PRR15: variants seen among roughly 807,000 people sequenced by gnomAD.
PRR15 encodes the protein proline-rich protein 15.
Under a neutral mutation model 3.0 loss-of-function variants are expected in PRR15, and 4 were observed. The ratio of observed to expected loss-of-function variants is 1.34; its 90% CI spans 0.66 to 3.08. The LOEUF (loss-of-function observed/expected upper bound fraction) is 3.08. Among genes scored for constraint, PRR15 ranks in the 30% most tolerant of loss-of-function variants. The probability of loss-of-function intolerance (pLI) is 0.01; values close to 1 mark genes in which losing one functional copy is unlikely to be tolerated. For synonymous variants in PRR15, 82 were observed against 79.8 expected (o/e 1.03, Z -0.14); for missense variants, 200 against 179.5 (o/e 1.11, Z -0.65).
chr7:29,566,386 C>G lies in PRR15; in HGVS notation c.57C>G (p.Asn19Lys). Residue 19 changes from asparagine (N) to lysine (K), a missense_variant, in exon 2 of 2, where the codon AAC (asparagine) becomes AAG (lysine). Coordinates refer to ENST00000319694, the MANE Select transcript of PRR15 (RefSeq NM_175887.3). ...GCCCCTGGTGGAAATCGCTCACCAA[C>G]AGCAGAAAGAAAAGCAAGGAAGCCG... is the stretch of plus-strand genomic sequence containing the variant. ...SSGPWWKSLT[N>K]SRKKSKEAAV... 1 of 1,611,114 alleles carries G rather than the reference C, an allele frequency of 6.2e-7. No homozygotes were observed. Among genetic ancestry groups the G allele is most frequent in the Non-Finnish European group, 8.5e-7 (1 of 1,179,634 alleles).
rs1583502419 is a variant in PRR15, at chr7:29,566,801, C to A, written c.*82C>A. The A allele has an allele frequency of 1.5e-6, 2 of 1,320,402 alleles. No homozygotes were observed. Among genetic ancestry groups the A allele is most frequent in the Non-Finnish European group, 2.0e-6 (2 of 981,468 alleles). 81.8% of individuals were successfully genotyped at this position (1,320,402 alleles called of 1,614,324 possible). On this transcript the variant is annotated 3_prime_UTR_variant, in exon 2 of 2. Coordinates refer to ENST00000319694, the MANE Select transcript of PRR15 (RefSeq NM_175887.3). ...TTCCAAACCCGAGACTTCAGGCCCG[C>A]CCCCTTACGCGTTGTCTCATTCCAC... is the stretch of plus-strand genomic sequence containing the variant.
In PRR15 at chr7:29,566,398, A is replaced by G; in HGVS notation, c.69A>G (p.Lys23=). 1 of 1,610,958 alleles carries G rather than the reference A, an allele frequency of 6.2e-7. No individual in the cohort carries two copies. The part of the protein sequence containing the change: ...WWKSLTNSRK[K]SKEAAVGVPP... ...AATCGCTCACCAACAGCAGAAAGAA[A>G]AGCAAGGAAGCCGCAGTGGGGGTGC... Residue 23 remains lysine, a synonymous_variant, in exon 2 of 2, where the codon AAA becomes AAG. Coordinates refer to ENST00000319694, the MANE Select transcript of PRR15 (RefSeq NM_175887.3).
At position 29,566,283 on chromosome 7, in the gene PRR15, C is replaced by T. The variant is rs779059456; in HGVS notation, c.-47C>T. 2.2e-5 allele frequency: 34 copies of T among 1,554,126 alleles called. No individual in the cohort carries two copies. In the Admixed American group the frequency reaches 6.2e-4, roughly 28 times the overall value. ...GGAGACCACGTGGAGAAAGGGGCCG[C>T]TTTGGCCCTTCCATCTGGGTGCCGG... On this transcript the variant is annotated 5_prime_UTR_variant, in exon 2 of 2. Coordinates refer to ENST00000319694, the MANE Select transcript of PRR15 (RefSeq NM_175887.3).
At chr7:29,564,985 C>A (rs974988443) in intron 1 of PRR15, among the ~76,000 whole-genome samples, 1 of 152,222 alleles carries the variant, frequency 6.6e-6, no homozygotes, top group Non-Finnish European at 1.5e-5. Context: ...GTTTCCCTCT[C>A]CAGCGCGATC....
rs1215491118 is a variant in PRR15 at position 29,566,262 on chromosome 7, A to G, written c.-68A>G. On this transcript the variant is annotated 5_prime_UTR_variant, in exon 2 of 2. Coordinates refer to ENST00000319694, the MANE Select transcript of PRR15 (RefSeq NM_175887.3). ...GAAGGGGTGGAGTGAACGGCCGGAG[A>G]CCACGTGGAGAAAGGGGCCGCTTTG... 1.4e-6 allele frequency: 2 copies of G among 1,478,128 alleles called. No individual in the cohort carries two copies. The highest frequency in any genetic ancestry group is 2.4e-5 in the East Asian group (1 of 41,334). 91.6% of individuals were successfully genotyped at this position (1,478,128 alleles called of 1,614,324 possible).
At position 29,564,623 on chromosome 7, in the gene PRR15, TAG is replaced by T. The variant is rs563777653; in HGVS notation, c.-146+249_-146+250del. ...TGATTGTGAAGAAGAAAATGTAGGT[TAG>T]AGGAGAGGAAGCAGCATCAGGACAC... On this transcript the variant is annotated intron_variant, in intron 1 of 1. Transcript: ENST00000319694. 4.9e-3 allele frequency among the ~76,000 whole-genome samples: 750 copies of T among 152,268 alleles called. 6 individuals carry two copies. The highest frequency in any genetic ancestry group is 9.3e-3 in the Admixed American group (142 of 15,296).
intron 1 of PRR15, 131 bp from the exon 2 acceptor site, chr7:29,566,054 T>A (rs1792893630): frequency 3.8e-6 from 2 of 533,330 alleles, no homozygotes; most frequent in South Asian, 5.3e-5. Flanking sequence ...TAATGTGGGC[T>A]ACGTAGCTAC....
At position 29,566,597 on chromosome 7, in the gene PRR15, A is replaced by C. The variant is rs1211441360; in HGVS notation, c.268A>C (p.Lys90Gln). ...DKSGSSRRNLKISRSGRFKEK... is the reference protein window; with the variant it reads ...DKSGSSRRNLQISRSGRFKEK... ...ATCCGGCAGCAGCCGCCGCAATTTG[A>C]AGATCTCGCGCTCCGGCCGCTTTAA... The change falls in exon 2 of 2, where the codon AAG becomes CAG. Residue 90 changes from lysine to glutamine, a missense_variant. By Grantham distance (53) the Lys-to-Gln change is moderately conservative. Transcript: ENST00000319694. The C allele has an allele frequency of 6.2e-7, 1 of 1,607,876 alleles. No individual in the cohort carries two copies.
intron 1 of PRR15, among the ~76,000 whole-genome samples, chr7:29,564,879 C>T (rs1013414216): frequency 6.6e-6 from 1 of 152,168 alleles, no homozygotes; most frequent in Non-Finnish European, 1.5e-5. Flanking sequence ...GGTTTCGGGG[C>T]GCAGCCGAGG....
At position 29,566,491 on chromosome 7, in the gene PRR15, C is replaced by T; in HGVS notation, c.162C>T (p.Ser54=). ...CGCCGCCCAGCCCGGACTGGACCAG[C>T]AGCTCCCGGGAGAACCAGCACCCCA... ...PPAPPSPDWT[S]SSRENQHPNL... The change falls in exon 2 of 2, where the codon AGC becomes AGT. Residue 54 remains serine, a synonymous_variant. Transcript: ENST00000319694. The T allele has an allele frequency of 6.3e-7, 1 of 1,599,410 alleles. No homozygotes were observed. The highest frequency in any genetic ancestry group is 8.5e-7 in the Non-Finnish European group (1 of 1,173,144).
chr7:29,566,790 C>A lies in PRR15; in HGVS notation c.*71C>A. On this transcript the variant is annotated 3_prime_UTR_variant, in exon 2 of 2. Transcript: ENST00000319694. ...CAAACCCCCAGTTCCAAACCCGAGA[C>A]TTCAGGCCCGCCCCCTTACGCGTTG... 2 of 1,407,590 alleles carry A rather than the reference C, an allele frequency of 1.4e-6. No individual in the cohort carries two copies. Among genetic ancestry groups the A allele is most frequent in the Non-Finnish European group, 1.9e-6 (2 of 1,056,690 alleles). 87.2% of individuals were successfully genotyped at this position (1,407,590 alleles called of 1,614,324 possible). A position where few individuals can be genotyped will look rare whatever the true frequency, so the allele number is the denominator to read the frequency against.
At chr7:29,566,123 G>A in intron 1 of PRR15, 62 bp from the exon 2 acceptor site, 2 of 626,150 alleles carry the variant, frequency 3.2e-6, no homozygotes, top group Non-Finnish European at 5.5e-6. Context: ...GGGAGGAAAG[G>A]GGACTGGGGG....
At position 29,566,835 on chromosome 7, in the gene PRR15, G is replaced by C; in HGVS notation, c.*116G>C. 9.7e-7 allele frequency: 1 copy of C among 1,029,318 alleles called. No homozygotes were observed. The highest frequency in any genetic ancestry group is 1.4e-6 in the Non-Finnish European group (1 of 723,206). The allele number at this position is 1,029,318 out of a possible 1,614,324, so 63.8% of individuals were successfully genotyped here. On this transcript the variant is annotated 3_prime_UTR_variant, in exon 2 of 2. Coordinates refer to ENST00000319694, the MANE Select transcript of PRR15 (RefSeq NM_175887.3). ...GCGTTGTCTCATTCCACCAAATTCA[G>C]AATATTTACACAATGCCTTCATGAT...
Position 29,566,847 on chromosome 7 carries a change from A to C in PRR15, c.*128A>C. On this transcript the variant is annotated 3_prime_UTR_variant, in exon 2 of 2. Coordinates refer to ENST00000319694, the MANE Select transcript of PRR15 (RefSeq NM_175887.3). ...TCCACCAAATTCAGAATATTTACAC[A>C]ATGCCTTCATGATTTTATTTTTCTG... The C allele has an allele frequency of 1.1e-6, 1 of 886,644 alleles. No individual in the cohort carries two copies. Among genetic ancestry groups the C allele is most frequent in the Non-Finnish European group, 1.7e-6 (1 of 599,376 alleles). 54.9% of individuals were successfully genotyped at this position (886,644 alleles called of 1,614,324 possible).
At position 29,566,622 on chromosome 7, in the gene PRR15, A is replaced by C; in HGVS notation, c.293A>C (p.Lys98Thr). ...NLKISRSGRF[K>T]EKRKVRATLL... is the part of the protein sequence containing the mutation. Reference sequence around the variant, plus strand: ...AAGATCTCGCGCTCCGGCCGCTTTAAGGAGAAGAGGAAAGTGCGCGCCACG... The same window carrying C: ...AAGATCTCGCGCTCCGGCCGCTTTACGGAGAAGAGGAAAGTGCGCGCCACG... The change falls in exon 2 of 2, where the codon AAG (lysine) becomes ACG (threonine). Residue 98 changes from lysine to threonine, a missense_variant. Lys to Thr is a moderately conservative substitution (Grantham distance 78, BLOSUM62 -1). Transcript: ENST00000319694. 3 of 1,600,966 alleles carry C rather than the reference A, an allele frequency of 1.9e-6. No homozygotes were observed. Among genetic ancestry groups the C allele is most frequent in the South Asian group, 2.2e-5 (2 of 89,038 alleles).
In PRR15 at chr7:29,567,039, G is replaced by C. The variant is rs1277112182; in HGVS notation, c.*320G>C. On this transcript the variant is annotated 3_prime_UTR_variant, in exon 2 of 2. Transcript: ENST00000319694. ...GCCCCCTGGCTCCTGTCACAGCTCA[G>C]CTTGAACTCTGTAGCCTCTCAAATG... is the stretch of plus-strand genomic sequence containing the variant. 6.9e-6 allele frequency: 2 copies of C among 288,714 alleles called. No homozygotes were observed. The highest frequency in any genetic ancestry group is 7.2e-5 in the East Asian group (1 of 13,806). 17.9% of individuals were successfully genotyped at this position (288,714 alleles called of 1,614,324 possible). A position where few individuals can be genotyped will look rare whatever the true frequency, so the allele number is the denominator to read the frequency against.
Position 29,566,281 on chromosome 7 carries a change from C to G in PRR15, c.-49C>G. 1 of 1,534,510 alleles carries G rather than the reference C, an allele frequency of 6.5e-7. No homozygotes were observed. ...CCGGAGACCACGTGGAGAAAGGGGC[C>G]GCTTTGGCCCTTCCATCTGGGTGCC... On this transcript the variant is annotated 5_prime_UTR_variant, in exon 2 of 2. Coordinates refer to ENST00000319694, the MANE Select transcript of PRR15 (RefSeq NM_175887.3).
At position 29,566,266 on chromosome 7, in the gene PRR15, C is replaced by A; in HGVS notation, c.-64C>A. ...GGGTGGAGTGAACGGCCGGAGACCACGTGGAGAAAGGGGCCGCTTTGGCCC... is the reference window on the plus strand; with the variant it reads ...GGGTGGAGTGAACGGCCGGAGACCAAGTGGAGAAAGGGGCCGCTTTGGCCC... On this transcript the variant is annotated 5_prime_UTR_variant, in exon 2 of 2. Transcript: ENST00000319694. The A allele has an allele frequency of 6.7e-7, 1 of 1,496,396 alleles. No homozygotes were observed. The highest frequency in any genetic ancestry group is 8.9e-7 in the Non-Finnish European group (1 of 1,126,262). 92.7% of individuals were successfully genotyped at this position (1,496,396 alleles called of 1,614,324 possible). A position where few individuals can be genotyped will look rare whatever the true frequency, so the allele number is the denominator to read the frequency against.
At position 29,566,553 on chromosome 7, in the gene PRR15, A is replaced by T. The variant is rs1172755566; in HGVS notation, c.224A>T (p.Asp75Val). 3 of 1,608,784 alleles carry T rather than the reference A, an allele frequency of 1.9e-6. No homozygotes were observed. Among genetic ancestry groups the T allele is most frequent in the Non-Finnish European group, 2.5e-6 (3 of 1,178,154 alleles). The change falls in exon 2 of 2, where the codon GAC becomes GTC. Residue 75 changes from aspartate (D) to valine (V), a missense_variant. Asp to Val is a radical substitution (Grantham distance 152). Coordinates refer to ENST00000319694, the MANE Select transcript of PRR15 (RefSeq NM_175887.3). ...LGGAGEPPKP[D>V]KLYGDKSGSS... ...GGCGCCGGCGAGCCCCCCAAACCAG[A>T]CAAGTTATACGGGGACAAATCCGGC...
Sources: allele counts gnomAD v4.1 joint callset (sites outside exome capture counted in the v4.1 genomes callset), GRCh38; gene constraint gnomAD v4.1.1; transcripts MANE v1.5; gene names NCBI Gene and HGNC (gene_info 2026-07-23, HGNC 2026-07-21).